The following IPCEF1 variants were observed in gnomAD, a reference collection of about 807,000 sequenced individuals.
IPCEF1 encodes interactor protein for cytohesin exchange factors 1.
IPCEF1 carries 31 observed loss-of-function variants against 50.9 expected under a neutral mutation model. That is an observed-to-expected ratio of 0.61 (90% confidence interval 0.46 to 0.82). The LOEUF is 0.82. IPCEF1 is among the 40% of genes least tolerant of loss of function. IPCEF1 has a pLI of 0.00. For synonymous variants in IPCEF1, 181 were observed against 192.0 expected (o/e 0.94, Z 0.47); for missense variants, 458 against 514.0 (o/e 0.89, Z 1.05).
chr6:154,350,721 A>G (rs1196277542), intron 1 of IPCEF1, among the ~76,000 whole-genome samples: 1 of 152,094 alleles, frequency 6.6e-6, no homozygotes, highest in Non-Finnish European at 1.5e-5. Context: ...GCAATTGGTT[A>G]GTTTTTTTAT....
At chr6:154,348,117 C>T (rs1376764518) in intron 1 of IPCEF1, among the ~76,000 whole-genome samples, 2 of 152,136 alleles carry the variant, frequency 1.3e-5, no homozygotes, top group Admixed American at 6.5e-5. Context: ...TCTGGGACTC[C>T]AGCGTTCCTC....
At chr6:154,251,696 A>T (rs898731085) in intron 3 of IPCEF1, among the ~76,000 whole-genome samples, 1 of 152,220 alleles carries the variant, frequency 6.6e-6, no homozygotes, top group Non-Finnish European at 1.5e-5. Context: ...TTTGTTAAGA[A>T]GTAGGGCAGG....
chr6:154,163,159 G>T (rs1334031477), intron 11 of IPCEF1, among the ~76,000 whole-genome samples: 3 of 152,158 alleles, frequency 2.0e-5, no homozygotes, highest in Non-Finnish European at 4.4e-5. Context: ...GCTGGTGTTT[G>T]CAATGGCAAT....
chr6:154,259,781 T>A (rs1196915481), intron 3 of IPCEF1, among the ~76,000 whole-genome samples: 1 of 152,104 alleles, frequency 6.6e-6, no homozygotes, highest in Admixed American at 6.6e-5. Flanking sequence ...AATAATCTAT[T>A]CCCCAGAGAG....
intron 1 of IPCEF1, among the ~76,000 whole-genome samples, chr6:154,331,407 G>GAAAGAAAGAA (rs1554225595): frequency 0.024 from 3,146 of 130,852 alleles, 106 homozygotes; most frequent in East Asian, 0.096. Context: ...AAGAAAGAAA[G>GAAAGAAAGAA]AGAGAGAAAA....
At chr6:154,319,116 C>A (rs1783307586) in intron 1 of IPCEF1, among the ~76,000 whole-genome samples, 2 of 152,130 alleles carry the variant, frequency 1.3e-5, no homozygotes, top group Non-Finnish European at 2.9e-5. Flanking sequence ...ATTGAACATA[C>A]CAATTGTGCG....
intron 10 of IPCEF1, among the ~76,000 whole-genome samples, chr6:154,194,128 G>A (rs576069347): frequency 2.0e-5 from 3 of 152,176 alleles, no homozygotes; most frequent in Non-Finnish European, 2.9e-5. Flanking sequence ...CTAAAATCAC[G>A]GTGGCTCATG....
At chr6:154,175,573 A>C (rs1042794267) in intron 10 of IPCEF1, among the ~76,000 whole-genome samples, 1 of 152,214 alleles carries the variant, frequency 6.6e-6, no homozygotes, top group African/African-American at 2.4e-5. Context: ...AAAATCTAGA[A>C]GAAACTGAGA....
intron 10 of IPCEF1, among the ~76,000 whole-genome samples, chr6:154,179,059 A>G (rs960427554): frequency 6.6e-6 from 1 of 152,220 alleles, no homozygotes; most frequent in Non-Finnish European, 1.5e-5. Flanking sequence ...AGTCAGGGAC[A>G]TTACATTGTT....
Position 154,200,031 on chromosome 6 carries a change from G to A in IPCEF1, c.547C>T (p.Gln183Ter), listed in dbSNP as rs919180455. 1.9e-6 allele frequency: 3 copies of A among 1,605,358 alleles called. No homozygotes were observed. Among genetic ancestry groups the A allele is most frequent in the South Asian group, 2.2e-5 (2 of 89,618 alleles). The change falls in exon 10 of 12, where the codon CAG becomes TAG. Residue 183 changes from glutamine to a stop codon, truncating the protein, a stop_gained. Coordinates refer to ENST00000367220, the MANE Select transcript of IPCEF1 (RefSeq NM_001130700.2). LOFTEE classifies it high-confidence loss of function. ...AGGCTGGGTGAGGATGAAGATGCCT[G>A]CTGTGCAGTCTATTTTTCACAAATA... ...ASQTQSLTAQ[Q>*]ASSSSPSLSG...
chr6:154,200,349 T>C (rs1013434722), intron 9 of IPCEF1, among the ~76,000 whole-genome samples: 4 of 152,224 alleles, frequency 2.6e-5, no homozygotes, highest in Non-Finnish European at 5.9e-5. Context: ...TGCTTCAGAA[T>C]ACTGCATTAC....
chr6:154,244,293 T>TGGGG (rs1554298345), intron 5 of IPCEF1, among the ~76,000 whole-genome samples: 1 of 74,694 alleles, frequency 1.3e-5, no homozygotes, highest in African/African-American at 6.2e-5. Flanking sequence ...TCGGTGTGTG[T>TGGGG]GTGGGTGGGT....
chr6:154,268,660 TACAAG>T (rs1479645855), intron 2 of IPCEF1, among the ~76,000 whole-genome samples: 2 of 152,170 alleles, frequency 1.3e-5, no homozygotes, highest in Admixed American at 6.5e-5. Flanking sequence ...GAAAACTTCC[TACAAG>T]TGAGGCTTTG....
rs1391854971 is a variant in IPCEF1, at chr6:154,195,333, G to A, written c.910+4335C>T. On this transcript the variant is annotated intron_variant, in intron 10 of 11. Coordinates refer to ENST00000367220, the MANE Select transcript of IPCEF1 (RefSeq NM_001130700.2). ...TGGCTAATTTTTTGTGTTTTTAATA[G>A]AGATGGGGTTTCACCATGTTAGCCA... 2.0e-5 allele frequency among the ~76,000 whole-genome samples: 3 copies of A among 151,836 alleles called. No homozygotes were observed. The East Asian group carries it at 5.8e-4, about 29-fold the overall frequency.
intron 1 of IPCEF1, among the ~76,000 whole-genome samples, chr6:154,302,188 T>C (rs1261650152): frequency 6.6e-6 from 1 of 152,226 alleles, no homozygotes. Context: ...CTAGCTTCTG[T>C]TATTGAGTTA....
intron 1 of IPCEF1, among the ~76,000 whole-genome samples, chr6:154,296,946 G>A (rs1351686790): frequency 6.6e-6 from 1 of 152,196 alleles, no homozygotes; most frequent in African/African-American, 2.4e-5. Flanking sequence ...TGGAAGTCAG[G>A]AGGATTGGAT....
chr6:154,333,868 G>C (rs1783732002), intron 1 of IPCEF1, among the ~76,000 whole-genome samples: 1 of 151,878 alleles, frequency 6.6e-6, no homozygotes, highest in Non-Finnish European at 1.5e-5. Flanking sequence ...GTCACAGACT[G>C]CCCCTCCACC....
chr6:154,272,166 G>A (rs965942621), intron 2 of IPCEF1, among the ~76,000 whole-genome samples: 2 of 152,176 alleles, frequency 1.3e-5, no homozygotes, highest in Admixed American at 6.5e-5. Context: ...AGAATTAAAC[G>A]AGATATCATA....
At chr6:154,169,357 T>TCACA (rs764937431) in intron 10 of IPCEF1, among the ~76,000 whole-genome samples, 7 of 151,302 alleles carry the variant, frequency 4.6e-5, no homozygotes, top group Admixed American at 3.9e-4. Flanking sequence ...TGAGACTCTG[T>TCACA]CACACACACA....
Sources: gnomAD v4.1 joint callset for allele counts (sites outside exome capture counted in the v4.1 genomes callset) on GRCh38, gnomAD v4.1.1 for gene constraint, MANE v1.5 for transcripts, NCBI Gene and HGNC (gene_info 2026-07-23, HGNC 2026-07-21) for gene names.